Variants in INSR observed in about 807,000 individuals in gnomAD.
INSR encodes the protein insulin receptor.
INSR carries 67 observed loss-of-function variants against 142.6 expected under a neutral mutation model. That is an observed-to-expected ratio of 0.47 (90% CI 0.39 to 0.58). The LOEUF is 0.58. Ranked by LOEUF, INSR falls within the 20% of genes least tolerant of loss-of-function variation. INSR has a pLI of 0.00. For synonymous variants in INSR, 756 were observed against 743.1 expected (o/e 1.02, Z -0.28); for missense variants, 1,248 against 1,833.2 (o/e 0.68, Z 5.83).
chr19:7,258,332 A>G (rs1007693276), intron 2 of INSR, among the ~76,000 whole-genome samples: 8 of 152,166 alleles, frequency 5.3e-5, no homozygotes, highest in Admixed American at 5.2e-4. Flanking sequence ...CCAGCTACTG[A>G]GGAGGCTGAC....
intron 1 of INSR, among the ~76,000 whole-genome samples, chr19:7,269,647 C>T (rs976147002): frequency 6.7e-6 from 1 of 148,226 alleles, no homozygotes; most frequent in Non-Finnish European, 1.5e-5. Flanking sequence ...CAGTCAGTCA[C>T]ATCAACAGCT....
intron 9 of INSR, among the ~76,000 whole-genome samples, chr19:7,154,478 AT>A (rs1198987273): frequency 6.7e-6 from 1 of 149,638 alleles, no homozygotes; most frequent in Non-Finnish European, 1.5e-5. Context: ...AATTTGTTGT[AT>A]TTTTAGTAGA....
chr19:7,205,174 G>C (rs575717748), intron 2 of INSR, among the ~76,000 whole-genome samples: 110 of 152,290 alleles, frequency 7.2e-4, no homozygotes, highest in African/African-American at 2.5e-3. Context: ...CCTACGGAGT[G>C]TCCGGCACCA....
chr19:7,189,664 C>CT (rs35476514), intron 2 of INSR, among the ~76,000 whole-genome samples: 340 of 141,588 alleles, frequency 2.4e-3, no homozygotes, highest in Non-Finnish European at 3.3e-3. Context: ...TTTACTATTA[C>CT]TTTTTTTTTT....
chr19:7,180,847 G>C (rs570929327), intron 3 of INSR, among the ~76,000 whole-genome samples: 1 of 152,278 alleles, frequency 6.6e-6, no homozygotes, highest in South Asian at 2.1e-4. Flanking sequence ...AGAACTGGCC[G>C]AGCCCTCCCG....
chr19:7,232,578 C>G (rs1976013956), intron 2 of INSR, among the ~76,000 whole-genome samples: 1 of 152,134 alleles, frequency 6.6e-6, no homozygotes. Flanking sequence ...CTTTGGGAGG[C>G]TGAGGGTGGA....
chr19:7,156,961 TTTTG>T (rs760923653), intron 9 of INSR, among the ~76,000 whole-genome samples: 19 of 137,828 alleles, frequency 1.4e-4, no homozygotes, highest in African/African-American at 2.7e-4. Context: ...CTGGCTAATT[TTTTG>T]TTTGTTTGTT....
At chr19:7,290,616 T>C (rs2145256989) in intron 1 of INSR, among the ~76,000 whole-genome samples, 2 of 151,426 alleles carry the variant, frequency 1.3e-5, no homozygotes, top group East Asian at 2.0e-4. Context: ...CTACTAAAAA[T>C]ACAAAAATTA....
chr19:7,257,338 G>A (rs961935240), intron 2 of INSR, among the ~76,000 whole-genome samples: 10 of 151,808 alleles, frequency 6.6e-5, no homozygotes, highest in Non-Finnish European at 1.5e-4. Flanking sequence ...TCGCCACAAG[G>A]GAATTTATCA....
At chr19:7,136,346 C>A (rs1419822331) in intron 13 of INSR, among the ~76,000 whole-genome samples, 1 of 152,100 alleles carries the variant, frequency 6.6e-6, no homozygotes, top group African/African-American at 2.4e-5. Context: ...TGCAGACCCT[C>A]CTTGATTTTT....
rs545297594 is a variant in INSR, at chr19:7,172,487, C to T, written c.1124-53G>A. ...GTTTCTATAGACATATTTCAATCTT[C>T]TCATGATTCTCCATGGTGAGAAGAT... On this transcript the variant is annotated intron_variant, in intron 4 of 21. Transcript: ENST00000302850. The T allele has an allele frequency of 2.3e-5, 36 of 1,575,064 alleles. No individual in the cohort carries two copies. The East Asian group carries it at 7.6e-4, about 33-fold the overall frequency.
intron 1 of INSR, among the ~76,000 whole-genome samples, chr19:7,280,499 C>T (rs1968177968): frequency 6.6e-6 from 1 of 152,052 alleles, no homozygotes; most frequent in African/African-American, 2.4e-5. Flanking sequence ...GGGTGGATCA[C>T]CTGAGATCAG....
rs546244789 is a variant in INSR at position 7,232,490 on chromosome 19, C to T, written c.652+34855G>A. Reference sequence around the variant, plus strand: ...ATGACAGGCGTGAGCCACTGCACCCCGGCCATGTGCATTTTATTGTATGTT... The same window carrying T: ...ATGACAGGCGTGAGCCACTGCACCCTGGCCATGTGCATTTTATTGTATGTT... On this transcript the variant is annotated intron_variant, in intron 2 of 21. Coordinates refer to ENST00000302850, the MANE Select transcript of INSR (RefSeq NM_000208.4). Among the ~76,000 whole-genome samples the T allele has an allele frequency of 1.5e-3, 236 of 152,298 alleles. 1 individual carries two copies. The highest frequency in any genetic ancestry group is 3.1e-3 in the Admixed American group (47 of 15,294).
chr19:7,189,179 C>A (rs954239972), intron 2 of INSR, among the ~76,000 whole-genome samples: 4 of 152,292 alleles, frequency 2.6e-5, no homozygotes, highest in African/African-American at 9.6e-5. Context: ...CAAGGAAACA[C>A]ACACACAAGA....
intron 2 of INSR, among the ~76,000 whole-genome samples, chr19:7,222,291 C>G (rs1292523737): frequency 2.0e-5 from 3 of 152,176 alleles, no homozygotes; most frequent in African/African-American, 7.2e-5. Flanking sequence ...TGACCTCAAG[C>G]TGTCTTGGTC....
chr19:7,206,183 G>C (rs1393046520), intron 2 of INSR, among the ~76,000 whole-genome samples: 4 of 56,874 alleles, frequency 7.0e-5, no homozygotes, highest in African/African-American at 2.0e-4. Context: ...TCAGGGAGTT[G>C]AGAGACAGAA....
rs10410260 is a variant in INSR at position 7,150,927 on chromosome 19, C to T, written c.2232-395G>A. ...CTTTCTCCTTTTCTTTTCTCTTTCT[C>T]TTTTCTCTCTCCCTCTCTCTCCTTC... On this transcript the variant is annotated intron_variant, in intron 10 of 21. Coordinates refer to ENST00000302850, the MANE Select transcript of INSR (RefSeq NM_000208.4). This position sits in a 1 kb window ranked among gnomAD's most constrained non-coding sequence, Gnocchi z 4.2. Among the ~76,000 whole-genome samples, 132,832 of 151,576 alleles carry T rather than the reference C, an allele frequency of 0.88. 58,327 individuals carry two copies. The highest frequency in any genetic ancestry group is 0.9 in the Non-Finnish European group (60,945 of 67,910).
intron 3 of INSR, among the ~76,000 whole-genome samples, chr19:7,183,584 G>A (rs1974332505): frequency 6.6e-6 from 1 of 151,960 alleles, no homozygotes; most frequent in South Asian, 2.1e-4. Flanking sequence ...GCTAATCTTG[G>A]CACACCACCA....
chr19:7,259,786 T>C (rs1237987542), intron 2 of INSR, among the ~76,000 whole-genome samples: 2 of 149,416 alleles, frequency 1.3e-5, no homozygotes, highest in Non-Finnish European at 3.0e-5. Flanking sequence ...GCCACTGCAC[T>C]CCAGCCTGGA....
Sources: gnomAD v4.1 joint callset for allele counts (sites outside exome capture counted in the v4.1 genomes callset) on GRCh38, gnomAD v4.1.1 for gene constraint, Gnocchi (gnomAD v3.1) non-coding constraint, MANE v1.5 for transcripts, NCBI Gene and HGNC (gene_info 2026-07-23, HGNC 2026-07-21) for gene names.